The following ADTRP variants were observed in gnomAD, a reference collection of about 807,000 sequenced individuals.
ADTRP encodes the protein androgen-dependent TFPI-regulating protein.
Under a neutral mutation model 27.0 loss-of-function variants are expected in ADTRP, and 20 were observed. The ratio of observed to expected loss-of-function variants is 0.74; its 90% CI spans 0.52 to 1.08. The LOEUF is 1.08. Ranked by LOEUF, ADTRP falls within the 50% of genes least tolerant of loss-of-function variation. The pLI is 0.00. For missense variants in ADTRP, 251 were observed against 275.0 expected (o/e 0.91, Z 0.62); for synonymous variants, 101 against 105.2 (o/e 0.96, Z 0.25).
chr6:11,727,979 TAGGGAGGGAGGGAGGG>T (rs35686998), intron 4 of ADTRP, among the ~76,000 whole-genome samples: 3 of 53,310 alleles, frequency 5.6e-5, no homozygotes, highest in Non-Finnish European at 9.5e-5. Context: ...GGGAGGTAGG[TAGGGAGGGAGGGAGGG>T]AGGGAGGGAG....
intron 5 of ADTRP, among the ~76,000 whole-genome samples, chr6:11,716,297 A>T (rs747453751): frequency 6.6e-6 from 1 of 152,078 alleles, no homozygotes; most frequent in Non-Finnish European, 1.5e-5. Context: ...AGGACTGAAG[A>T]CTCCCTTCTC....
chr6:11,777,689 C>T (rs1402618979), intron 1 of ADTRP, among the ~76,000 whole-genome samples: 1 of 152,166 alleles, frequency 6.6e-6, no homozygotes, highest in Non-Finnish European at 1.5e-5. Context: ...GAGGAAGCAG[C>T]CACTTTGGGC....
intron 3 of ADTRP, among the ~76,000 whole-genome samples, chr6:11,750,337 G>T (rs946220985): frequency 9.2e-5 from 14 of 152,216 alleles, no homozygotes; most frequent in Admixed American, 4.6e-4. Flanking sequence ...CCCCTCCTGA[G>T]GAGGCCCAGG....
chr6:11,766,424 A>T (rs1763576316), intron 2 of ADTRP, 49 bp from the exon 3 acceptor site: 5 of 1,382,586 alleles, frequency 3.6e-6, no homozygotes, highest in Non-Finnish European at 5.1e-6. Flanking sequence ...GTTTTTAATC[A>T]GAGCTTTCTA....
At chr6:11,737,533 G>A (rs1210027255) in intron 3 of ADTRP, among the ~76,000 whole-genome samples, 2 of 152,200 alleles carry the variant, frequency 1.3e-5, no homozygotes, top group Non-Finnish European at 2.9e-5. Flanking sequence ...CATCCGAGCT[G>A]ATCTGGCTAC....
At position 11,735,578 on chromosome 6, in the gene ADTRP, A is replaced by C. The variant is rs201668990; in HGVS notation, c.496T>G (p.Tyr166Asp). Residue 166 changes from tyrosine to aspartate, a missense_variant, in exon 4 of 6, where the codon TAC becomes GAC. Tyr to Asp is a radical substitution (Grantham distance 160). Transcript: ENST00000414691. The stretch of plus-strand genomic sequence containing the variant: ...CCATGTAATTCTTACCGGCTGATGT[A>C]AGCAATGCTGGCAGCAGCCAGCAAG... ...LTLLAAASIA[Y>D]ISRILWLYFE... 2.1e-4 allele frequency: 345 copies of C among 1,612,192 alleles called. 3 individuals carry two copies. The South Asian group carries it at 3.6e-3, about 17-fold the overall frequency.
intron 5 of ADTRP, among the ~76,000 whole-genome samples, chr6:11,722,951 T>G (rs923540195): frequency 6.6e-6 from 1 of 152,290 alleles, no homozygotes; most frequent in African/African-American, 2.4e-5. Flanking sequence ...TCCCTCAAAA[T>G]GAAACCTTGA....
At chr6:11,759,061 T>C (rs1219962282) in intron 3 of ADTRP, among the ~76,000 whole-genome samples, 1 of 152,216 alleles carries the variant, frequency 6.6e-6, no homozygotes, top group Admixed American at 6.5e-5. Context: ...CCTGCTCACC[T>C]GGCAGGGAGT....
intron 3 of ADTRP, among the ~76,000 whole-genome samples, chr6:11,765,469 A>G (rs934845930): frequency 2.0e-5 from 3 of 151,856 alleles, no homozygotes; most frequent in African/African-American, 7.3e-5. Flanking sequence ...CTGGGATTAC[A>G]GGAGCGTGCC....
At chr6:11,742,313 T>C (rs1005450055) in intron 3 of ADTRP, among the ~76,000 whole-genome samples, 1 of 151,920 alleles carries the variant, frequency 6.6e-6, no homozygotes, top group African/African-American at 2.4e-5. Flanking sequence ...TTCCCTTTTT[T>C]CATTTTTTTA....
At chr6:11,715,015 G>A (rs1444043192) in intron 5 of ADTRP, among the ~76,000 whole-genome samples, 1 of 152,110 alleles carries the variant, frequency 6.6e-6, no homozygotes, top group Non-Finnish European at 1.5e-5. Flanking sequence ...CTCATTAGAG[G>A]GGCATTATTC....
intron 2 of ADTRP, among the ~76,000 whole-genome samples, chr6:11,767,169 C>A (rs879839191): frequency 6.6e-6 from 1 of 152,088 alleles, no homozygotes; most frequent in African/African-American, 2.4e-5. Flanking sequence ...TTCAGGAGTT[C>A]GAGATCAGCC....
At chr6:11,767,694 A>G (rs1763619845) in intron 2 of ADTRP, 3 of 152,250 alleles carry the variant, frequency 2.0e-5, no homozygotes, top group African/African-American at 4.8e-5. Context: ...TCTTCCTGAC[A>G]TCCATCCACT....
intron 3 of ADTRP, among the ~76,000 whole-genome samples, chr6:11,764,336 T>TG (rs752703471): frequency 9.2e-5 from 14 of 151,886 alleles, no homozygotes; most frequent in Non-Finnish European, 1.3e-4. Flanking sequence ...AACCCTGAAG[T>TG]GGGGGGGAGA....
At chr6:11,765,167 G>C (rs1763522778) in intron 3 of ADTRP, among the ~76,000 whole-genome samples, 2 of 151,990 alleles carry the variant, frequency 1.3e-5, no homozygotes, top group African/African-American at 4.8e-5. Flanking sequence ...CTTGTGGCAG[G>C]GGCAGTGTTA....
intron 3 of ADTRP, among the ~76,000 whole-genome samples, chr6:11,751,239 G>C (rs182204332): frequency 6.6e-6 from 1 of 152,316 alleles, no homozygotes; most frequent in Admixed American, 6.5e-5. Flanking sequence ...CAGCAGGGAA[G>C]GAACATAAGC....
rs563888993 is a variant in ADTRP, at chr6:11,759,555, A to G, written c.390+6719T>C. On this transcript the variant is annotated intron_variant, in intron 3 of 5. Transcript: ENST00000414691. ...AGGTCATTATTACATGAGTTTTGCTATATGTAGTGTAAGACAGCCTTTTCA... is the reference window on the plus strand; with the variant it reads ...AGGTCATTATTACATGAGTTTTGCTGTATGTAGTGTAAGACAGCCTTTTCA... Among the ~76,000 whole-genome samples, 7 of 152,206 alleles carry G rather than the reference A, an allele frequency of 4.6e-5. 1 individual carries two copies. The highest frequency in any genetic ancestry group is 4.6e-4 in the Admixed American group (7 of 15,286).
intron 4 of ADTRP, among the ~76,000 whole-genome samples, chr6:11,734,257 A>G (rs2113898855): frequency 6.6e-6 from 1 of 152,354 alleles, no homozygotes; most frequent in African/African-American, 2.4e-5. Context: ...TGGCAAACAC[A>G]TAGCATATAT....
At chr6:11,762,532 GC>G (rs1763426118) in intron 3 of ADTRP, among the ~76,000 whole-genome samples, 1 of 152,182 alleles carries the variant, frequency 6.6e-6, no homozygotes, top group South Asian at 2.1e-4. Context: ...AATTTAAAGA[GC>G]CAGGGAAGGT....
Sources: allele counts gnomAD v4.1 joint callset (sites outside exome capture counted in the v4.1 genomes callset), GRCh38; gene constraint gnomAD v4.1.1; transcripts MANE v1.5; gene names NCBI Gene and HGNC (gene_info 2026-07-23, HGNC 2026-07-21).